The following EYA1 variants were observed in gnomAD, a reference collection of about 807,000 sequenced individuals.
EYA1 encodes protein phosphatase EYA1.
Under a neutral mutation model 82.0 loss-of-function variants are expected in EYA1, and 16 were observed. The ratio of observed to expected loss-of-function variants is 0.20; its 90% confidence interval spans 0.13 to 0.30. The LOEUF (loss-of-function observed/expected upper bound fraction) is 0.30. EYA1 is among the 10% of genes least tolerant of loss of function. The pLI, the probability that EYA1 is intolerant of heterozygous loss-of-function variation, is 1.00. For synonymous variants in EYA1, 261 were observed against 264.4 expected, an observed-to-expected ratio of 0.99 and a Z score of 0.12; for missense variants, 633 against 730.7, an observed-to-expected ratio of 0.87 and a Z score of 1.54.
At chr8:71,520,449 G>C (rs1197137754) in intron 2 of EYA1, among the ~76,000 whole-genome samples, 1 of 152,178 alleles carries the variant, frequency 6.6e-6, no homozygotes, top group Non-Finnish European at 1.5e-5. Flanking sequence ...GTTTTTGACT[G>C]TTAAGAGCTT....
chr8:71,409,953 A>G, intron 2 of EYA1, among the ~76,000 whole-genome samples: 1 of 146,162 alleles, frequency 6.8e-6, no homozygotes, highest in Non-Finnish European at 1.5e-5. Context: ...ATCCTTGATG[A>G]ACATTGATGC....
At chr8:71,505,108 C>G (rs1248397137) in intron 2 of EYA1, among the ~76,000 whole-genome samples, 1 of 152,186 alleles carries the variant, frequency 6.6e-6, no homozygotes, top group Non-Finnish European at 1.5e-5. Context: ...ATTTTAATTA[C>G]AGAAGTAATT....
intron 1 of EYA1, among the ~76,000 whole-genome samples, chr8:71,543,206 A>G (rs1376618568): frequency 6.6e-6 from 1 of 152,154 alleles, no homozygotes; most frequent in Non-Finnish European, 1.5e-5. Context: ...ATCTAGAAAG[A>G]TCTACCACCA....
rs145584689 is a variant in EYA1 at position 71,238,969 on chromosome 8, A to G, written c.1140+5634T>C. Among the ~76,000 whole-genome samples, 634 of 152,152 alleles carry G rather than the reference A, an allele frequency of 4.2e-3. 2 individuals carry two copies. Among genetic ancestry groups the G allele is most frequent in the African/African-American group, 0.014 (593 of 41,576 alleles). On this transcript the variant is annotated intron_variant, in intron 12 of 17. Coordinates refer to ENST00000340726, the MANE Select transcript of EYA1 (RefSeq NM_000503.6). ...AGTATAAATTTATTTATAATATATT[A>G]TCTTTTACTGTGTTAAATAGCTATA...
At chr8:71,282,938 G>GC (rs1209816667) in intron 9 of EYA1, among the ~76,000 whole-genome samples, 1 of 131,442 alleles carries the variant, frequency 7.6e-6, no homozygotes. Flanking sequence ...ACACCACCTT[G>GC]TTTTTTTTTT....
chr8:71,276,645 T>C (rs1817211520), intron 9 of EYA1, among the ~76,000 whole-genome samples: 1 of 152,214 alleles, frequency 6.6e-6, no homozygotes, highest in Non-Finnish European at 1.5e-5. Flanking sequence ...GCCTTAATTC[T>C]TGCAACAGGC....
chr8:71,438,118 C>T lies in EYA1; in HGVS notation c.34-81607G>A, dbSNP rs189446125. Among the ~76,000 whole-genome samples the T allele has an allele frequency of 3.8e-3, 582 of 152,150 alleles. 4 individuals carry two copies. The highest frequency in any genetic ancestry group is 0.014 in the South Asian group (68 of 4,822). On this transcript the variant is annotated intron_variant, in intron 2 of 18. Transcript: ENST00000643681. The stretch of plus-strand genomic sequence containing the variant: ...CCTCCCAAATCTCCATGGACTTATA[C>T]GTCCTAGATGAATTCCTTACCATCT...
At chr8:71,384,022 T>A (rs1328803721) in intron 2 of EYA1, among the ~76,000 whole-genome samples, 2 of 152,104 alleles carry the variant, frequency 1.3e-5, no homozygotes, top group Non-Finnish European at 2.9e-5. Context: ...ATCTTTACTT[T>A]TTTTTTTAAA....
At chr8:71,235,687 C>G (rs1416212380) in intron 12 of EYA1, among the ~76,000 whole-genome samples, 1 of 152,144 alleles carries the variant, frequency 6.6e-6, no homozygotes, top group African/African-American at 2.4e-5. Context: ...ATTGCTGTAT[C>G]CCCAGTAGTT....
chr8:71,320,389 C>T (rs899087547), intron 6 of EYA1, among the ~76,000 whole-genome samples: 14 of 152,300 alleles, frequency 9.2e-5, no homozygotes, highest in Admixed American at 2.6e-4. Context: ...ATTTTGAGAA[C>T]GTAAATCAAA....
chr8:71,394,018 T>C (rs532896630), intron 2 of EYA1, among the ~76,000 whole-genome samples: 2 of 152,194 alleles, frequency 1.3e-5, no homozygotes, highest in Admixed American at 6.5e-5. Context: ...TGGTGGTTTT[T>C]ATTTGCATTT....
chr8:71,423,651 A>C (rs1012596900), intron 2 of EYA1, among the ~76,000 whole-genome samples: 1 of 152,226 alleles, frequency 6.6e-6, no homozygotes, highest in Non-Finnish European at 1.5e-5. Context: ...GAGAGGAACA[A>C]ATGTTCTTTA....
At chr8:71,484,502 T>C (rs896620124) in intron 2 of EYA1, among the ~76,000 whole-genome samples, 16 of 152,180 alleles carry the variant, frequency 1.1e-4, no homozygotes, top group African/African-American at 3.6e-4. Context: ...AGTCTAATGC[T>C]ATAGTGAGGA....
At chr8:71,353,611 A>T (rs924393328) in intron 3 of EYA1, among the ~76,000 whole-genome samples, 1 of 152,222 alleles carries the variant, frequency 6.6e-6, no homozygotes, top group African/African-American at 2.4e-5. Flanking sequence ...AAATCAAAGC[A>T]TCTCATATCA....
intron 6 of EYA1, among the ~76,000 whole-genome samples, chr8:71,321,516 A>G (rs902081584): frequency 6.6e-6 from 1 of 152,234 alleles, no homozygotes; most frequent in Non-Finnish European, 1.5e-5. Flanking sequence ...GCAAGAAGGC[A>G]TACGAACCAC....
At chr8:71,349,846 T>G (rs1826130590) in intron 3 of EYA1, among the ~76,000 whole-genome samples, 1 of 152,150 alleles carries the variant, frequency 6.6e-6, no homozygotes, top group South Asian at 2.1e-4. Context: ...AAGCAAAACA[T>G]AGAGAATGGT....
At chr8:71,486,338 A>G (rs1212816501) in intron 2 of EYA1, among the ~76,000 whole-genome samples, 1 of 151,970 alleles carries the variant, frequency 6.6e-6, no homozygotes, top group Non-Finnish European at 1.5e-5. Flanking sequence ...GGTATAATCG[A>G]CTCTACTGGA....
chr8:71,408,555 AAGGC>A (rs993231455), intron 2 of EYA1, among the ~76,000 whole-genome samples: 2 of 108,230 alleles, frequency 1.8e-5, no homozygotes, highest in Non-Finnish European at 3.8e-5. Flanking sequence ...AAAACAAAAA[AAGGC>A]AGGGGTTGCA....
intron 1 of EYA1, chr8:71,356,726 G>A (rs566240595): frequency 1.6e-5 from 20 of 1,229,942 alleles, no homozygotes; most frequent in Non-Finnish European, 1.8e-5. Flanking sequence ...CCCTTGTCAG[G>A]GGGGGAAGGC....
Sources: allele counts gnomAD v4.1 joint callset (sites outside exome capture counted in the v4.1 genomes callset), GRCh38; gene constraint gnomAD v4.1.1; transcripts MANE v1.5; gene names NCBI Gene and HGNC (gene_info 2026-07-23, HGNC 2026-07-21).